WDR64: variants seen among roughly 807,000 people sequenced by gnomAD.
WDR64 encodes WD repeat domain 64.
WDR64 carries 112 observed loss-of-function variants against 139.3 expected under a neutral mutation model. That is an observed-to-expected ratio of 0.80 (90% CI 0.69 to 0.94). The LOEUF (loss-of-function observed/expected upper bound fraction) is 0.94, where lower values mean the gene tolerates loss of function less well. WDR64 is among the 40% of genes least tolerant of loss of function. WDR64 has a pLI of 0.00. For missense variants in WDR64, 1,206 were observed against 1,293.1 expected, an observed-to-expected ratio of 0.93 and a Z score of 1.03; for synonymous variants, 444 against 437.7, an observed-to-expected ratio of 1.01 and a Z score of -0.18.
intron 10 of WDR64, among the ~76,000 whole-genome samples, chr1:241,728,197 G>A (rs1018571385): frequency 1.4e-5 from 2 of 146,964 alleles, no homozygotes; most frequent in African/African-American, 4.9e-5. Context: ...GCCTGGCATG[G>A]TGGTAGGCAC....
chr1:241,667,588 G>GA (rs1163028414), intron 2 of WDR64, among the ~76,000 whole-genome samples: 1 of 152,122 alleles, frequency 6.6e-6, no homozygotes, highest in Admixed American at 6.6e-5. Flanking sequence ...CATGATGGGG[G>GA]ACTTGAAGTT....
rs1214834355 is a variant in WDR64 at position 241,741,664 on chromosome 1, G to T, written c.1470G>T (p.Arg490Ser). Reference sequence around the variant, plus strand: ...CTATCTGCTCTGAATCCATAATTAGGGTAAGTACCTATTGGCTTTTCAAAC... The same window carrying T: ...CTATCTGCTCTGAATCCATAATTAGTGTAAGTACCTATTGGCTTTTCAAAC... ...VLTICSESII[R>S]VWELETGLQV... Residue 490 changes from arginine (R) to serine (S), a missense_variant and splice_region_variant, in exon 12 of 28, where the codon AGG (arginine) becomes AGT (serine). Coordinates refer to ENST00000437684, the MANE Select transcript of WDR64 (RefSeq NM_001367482.1). The T allele has an allele frequency of 1.9e-6, 3 of 1,596,222 alleles. No individual in the cohort carries two copies. Among genetic ancestry groups the T allele is most frequent in the African/African-American group, 2.7e-5 (2 of 73,944 alleles).
At chr1:241,699,594 G>T (rs1373072428) in intron 8 of WDR64, among the ~76,000 whole-genome samples, 2 of 152,046 alleles carry the variant, frequency 1.3e-5, no homozygotes, top group Non-Finnish European at 2.9e-5. Context: ...TGGGTGGGGG[G>T]AACTGAGGAA....
intron 8 of WDR64, among the ~76,000 whole-genome samples, chr1:241,697,738 C>T (rs2148138254): frequency 6.6e-6 from 1 of 152,248 alleles, no homozygotes; most frequent in South Asian, 2.1e-4. Context: ...TCACTGCCTC[C>T]AGTTCCTTGA....
At chr1:241,659,210 C>G (rs1282622285) in intron 1 of WDR64, among the ~76,000 whole-genome samples, 1 of 152,126 alleles carries the variant, frequency 6.6e-6, no homozygotes, top group Non-Finnish European at 1.5e-5. Context: ...GCCTCCAGAT[C>G]CACGCATGTC....
chr1:241,741,585 A>G lies in WDR64; in HGVS notation c.1391A>G (p.His464Arg), dbSNP rs1226437928. ...GATACAAAACAGGTTCCTCACACTC[A>G]TGAACGAGAAATCAATGTCATGCTT... is the stretch of plus-strand genomic sequence containing the variant. The part of the protein sequence containing the change: ...IQDTKQVPHT[H>R]EREINVMLYN... Residue 464 changes from histidine (H) to arginine (R), a missense_variant, in exon 12 of 28, where the codon CAT (histidine) becomes CGT (arginine). Transcript: ENST00000437684. 1 of 1,613,736 alleles carries G rather than the reference A, an allele frequency of 6.2e-7. No homozygotes were observed. Among genetic ancestry groups the G allele is most frequent in the Non-Finnish European group, 8.5e-7 (1 of 1,179,876 alleles).
At chr1:241,757,253 T>C (rs374364021) in intron 14 of WDR64, 30 bp from the exon 15 acceptor site, 35 of 1,592,406 alleles carry the variant, frequency 2.2e-5, no homozygotes, top group Non-Finnish European at 2.9e-5. Flanking sequence ...TAATTGAACT[T>C]TTCATGCACT....
Position 241,762,336 on chromosome 1 carries a change from T to C in WDR64, c.1948-3882T>C, listed in dbSNP as rs527275858. Among the ~76,000 whole-genome samples the C allele has an allele frequency of 5.9e-5, 9 of 152,242 alleles. No individual in the cohort carries two copies. In the East Asian group the frequency reaches 7.7e-4, roughly 13 times the overall value. ...TTTTTCTGAGTAAAGTAGCTGTATATGTTGAATTCAACAACTTAATTTAAC... is the reference window on the plus strand; with the variant it reads ...TTTTTCTGAGTAAAGTAGCTGTATACGTTGAATTCAACAACTTAATTTAAC... On this transcript the variant is annotated intron_variant, in intron 15 of 27. Coordinates refer to ENST00000437684, the MANE Select transcript of WDR64 (RefSeq NM_001367482.1).
chr1:241,696,356 A>T (rs10926537), intron 8 of WDR64, among the ~76,000 whole-genome samples: 1 of 151,884 alleles, frequency 6.6e-6, no homozygotes, highest in African/African-American at 2.4e-5. Flanking sequence ...CCTGACCCCC[A>T]AAAAAGGTTC....
intron 6 of WDR64, among the ~76,000 whole-genome samples, chr1:241,680,658 A>C (rs1666748954): frequency 6.6e-6 from 1 of 152,056 alleles, no homozygotes; most frequent in African/African-American, 2.4e-5. Flanking sequence ...CTCACCCTTC[A>C]TTCTCTTCGA....
At chr1:241,663,306 AC>A (rs1345023551) in intron 2 of WDR64, among the ~76,000 whole-genome samples, 1 of 151,918 alleles carries the variant, frequency 6.6e-6, no homozygotes, top group African/African-American at 2.4e-5. Flanking sequence ...GCTGGCCCTG[AC>A]CCCCGTCCCT....
At chr1:241,747,912 T>C (rs1669825767) in intron 13 of WDR64, among the ~76,000 whole-genome samples, 2 of 152,300 alleles carry the variant, frequency 1.3e-5, no homozygotes, top group South Asian at 2.1e-4. Context: ...TTTGTAAGAA[T>C]TGCTGAGATC....
Position 241,802,051 on chromosome 1 carries a change from C to T in WDR64, c.*836C>T. ...ACTAACCTAAAGAAAATCAATATAGCCATATTAATATTAAAATACACTTTA... is the reference window on the plus strand; with the variant it reads ...ACTAACCTAAAGAAAATCAATATAGTCATATTAATATTAAAATACACTTTA... On this transcript the variant is annotated 3_prime_UTR_variant, in exon 28 of 28. Coordinates refer to ENST00000437684, the MANE Select transcript of WDR64 (RefSeq NM_001367482.1). The T allele has an allele frequency of 2.5e-6, 1 of 397,506 alleles. No homozygotes were observed. Among genetic ancestry groups the T allele is most frequent in the Non-Finnish European group, 4.4e-6 (1 of 225,622 alleles). The allele number at this position is 397,506 out of a possible 1,614,324, so 24.6% of individuals were successfully genotyped here. A position where few individuals can be genotyped will look rare whatever the true frequency, so the allele number is the denominator to read the frequency against.
At chr1:241,707,134 T>A (rs1176932968) in intron 8 of WDR64, among the ~76,000 whole-genome samples, 1 of 152,230 alleles carries the variant, frequency 6.6e-6, no homozygotes, top group East Asian at 1.9e-4. Context: ...TGCTGCAGAC[T>A]TTGAGTTTGT....
chr1:241,785,916 T>C (rs550880477), intron 23 of WDR64, among the ~76,000 whole-genome samples: 2 of 152,244 alleles, frequency 1.3e-5, no homozygotes, highest in East Asian at 1.9e-4. Context: ...GCCCAGGAAA[T>C]CAAGCTGGGA....
At position 241,757,423 on chromosome 1, in the gene WDR64, G is replaced by A. The variant is rs761419923; in HGVS notation, c.1911G>A (p.Glu637=). 2.1e-5 allele frequency: 34 copies of A among 1,613,208 alleles called. No individual in the cohort carries two copies. Among genetic ancestry groups the A allele is most frequent in the Non-Finnish European group, 2.6e-5 (31 of 1,179,708 alleles). ...TGGCTATTCCTTTCCCAGATGTCGA[G>A]TTGATAGTTGAGAGGAACTTTTCTC... ...RNMAIPFPDV[E]LIVERNFSQP... is the part of the protein sequence containing the mutation. The change falls in exon 15 of 28, where the codon GAG becomes GAA. Residue 637 remains glutamate (E), a synonymous_variant. Coordinates refer to ENST00000437684, the MANE Select transcript of WDR64 (RefSeq NM_001367482.1).
At chr1:241,774,598 A>ATTCT (rs1658578734) in intron 20 of WDR64, among the ~76,000 whole-genome samples, 1 of 152,208 alleles carries the variant, frequency 6.6e-6, no homozygotes, top group Admixed American at 6.5e-5. Context: ...TCTCTTAACA[A>ATTCT]TTCTTTGTCT....
At chr1:241,709,825 C>A in intron 8 of WDR64, among the ~76,000 whole-genome samples, 1 of 152,018 alleles carries the variant, frequency 6.6e-6, no homozygotes, top group South Asian at 2.1e-4. Flanking sequence ...CAAAAATAGC[C>A]CTTTCACAAG....
intron 11 of WDR64, among the ~76,000 whole-genome samples, chr1:241,739,715 A>G (rs528154945): frequency 6.6e-5 from 10 of 152,348 alleles, no homozygotes; most frequent in African/African-American, 1.9e-4. Context: ...AGACAGAAAA[A>G]TCAAGATTTC....
Sources: allele counts gnomAD v4.1 joint callset (sites outside exome capture counted in the v4.1 genomes callset), GRCh38; gene constraint gnomAD v4.1.1; transcripts MANE v1.5; gene names NCBI Gene and HGNC (gene_info 2026-07-23, HGNC 2026-07-21).